Variants in TMEM178B observed in about 807,000 individuals in gnomAD.
TMEM178B encodes transmembrane protein 178B.
In TMEM178B, 5 loss-of-function variants were observed where a neutral mutation model predicts 31.0. The observed-to-expected ratio is 0.16, with a 90% CI of 0.08 to 0.34. TMEM178B has a LOEUF of 0.34. TMEM178B is among the 10% of genes least tolerant of loss of function. The pLI is 1.00. For synonymous variants in TMEM178B, 164 were observed against 164.0 expected, an observed-to-expected ratio of 1.00 and a Z score of 0.00; for missense variants, 275 against 400.3, an observed-to-expected ratio of 0.69 and a Z score of 2.67.
At chr7:141,462,610 C>A (rs1802078393) in intron 3 of TMEM178B, among the ~76,000 whole-genome samples, 2 of 151,682 alleles carry the variant, frequency 1.3e-5, no homozygotes. Flanking sequence ...TGTCAGGTAG[C>A]CAAAAAACTA....
chr7:141,236,729 A>G (rs1797533070), intron 2 of TMEM178B, among the ~76,000 whole-genome samples: 1 of 152,196 alleles, frequency 6.6e-6, no homozygotes. Flanking sequence ...AAGCAGGAAA[A>G]AGAGGTGATT....
intron 2 of TMEM178B, among the ~76,000 whole-genome samples, chr7:141,387,001 G>A (rs1389656079): frequency 6.6e-6 from 1 of 152,182 alleles, no homozygotes; most frequent in Non-Finnish European, 1.5e-5. Flanking sequence ...GTCAGAATCT[G>A]TGGGCTCTTC....
intron 2 of TMEM178B, among the ~76,000 whole-genome samples, chr7:141,310,616 C>T (rs563992228): frequency 1.3e-5 from 2 of 152,188 alleles, no homozygotes; most frequent in African/African-American, 2.4e-5. Flanking sequence ...GTGATGTTCC[C>T]TTCCTGGAAC....
At chr7:141,510,805 A>C in the TMEM178B span, among the ~76,000 whole-genome samples, 1 of 151,814 alleles carries the variant, frequency 6.6e-6, no homozygotes, top group Admixed American at 6.6e-5. Flanking sequence ...CAAGAGGCAG[A>C]CAGAGGTAGA....
At chr7:141,142,846 A>G (rs987472808) in intron 1 of TMEM178B, among the ~76,000 whole-genome samples, 1 of 152,362 alleles carries the variant, frequency 6.6e-6, no homozygotes, top group East Asian at 1.9e-4. Context: ...CCAATAATGT[A>G]TAAGCATTGT....
chr7:141,366,778 G>A (rs950577372), intron 2 of TMEM178B, among the ~76,000 whole-genome samples: 14 of 151,738 alleles, frequency 9.2e-5, no homozygotes, highest in African/African-American at 3.1e-4. Context: ...TCCCACTCAC[G>A]TCCTTTCCTT....
At chr7:141,215,786 CTTTCTTTCT>C in intron 2 of TMEM178B, among the ~76,000 whole-genome samples, 1 of 37,320 alleles carries the variant, frequency 2.7e-5, no homozygotes, top group South Asian at 1.1e-3. Flanking sequence ...TCCTTTCTTT[CTTTCTTTCT>C]TTCTTTCTTT....
intron 1 of TMEM178B, among the ~76,000 whole-genome samples, chr7:141,141,731 A>T (rs1187401273): frequency 6.6e-6 from 1 of 152,182 alleles, no homozygotes; most frequent in African/African-American, 2.4e-5. Flanking sequence ...ACACCTGATG[A>T]ATTAATGCCC....
intron 2 of TMEM178B, among the ~76,000 whole-genome samples, chr7:141,324,974 A>G (rs1390651354): frequency 6.6e-6 from 1 of 152,090 alleles, no homozygotes; most frequent in East Asian, 1.9e-4. Flanking sequence ...GGATGTCACA[A>G]TTGGGATTAG....
At chr7:141,321,817 G>A (rs1799102904) in intron 2 of TMEM178B, among the ~76,000 whole-genome samples, 2 of 133,328 alleles carry the variant, frequency 1.5e-5, no homozygotes, top group Admixed American at 7.3e-5. Flanking sequence ...TGATCTACTT[G>A]TCCAACATTA....
At chr7:141,506,974 A>T in the TMEM178B span, among the ~76,000 whole-genome samples, 2 of 152,224 alleles carry the variant, frequency 1.3e-5, no homozygotes, top group Non-Finnish European at 2.9e-5. Context: ...TTAAAGCTCC[A>T]AAATGATCTC....
At chr7:141,510,684 T>TA in the TMEM178B span, among the ~76,000 whole-genome samples, 1 of 3,490 alleles carries the variant, frequency 2.9e-4, no homozygotes, top group Non-Finnish European at 1.6e-3. Flanking sequence ...AAACTCCGTC[T>TA]CAAAAAAAAA....
At chr7:141,189,002 C>T (rs1329742784) in intron 1 of TMEM178B, among the ~76,000 whole-genome samples, 1 of 152,188 alleles carries the variant, frequency 6.6e-6, no homozygotes, top group African/African-American at 2.4e-5. Context: ...AGGCCCAAAC[C>T]GAGGAGGTCA....
intron 2 of TMEM178B, among the ~76,000 whole-genome samples, chr7:141,371,718 A>AT (rs909146803): frequency 2.0e-5 from 3 of 152,338 alleles, no homozygotes; most frequent in African/African-American, 7.2e-5. Flanking sequence ...ACCTCTCTGC[A>AT]TTAGAGGTAG....
intron 1 of TMEM178B, among the ~76,000 whole-genome samples, chr7:141,150,035 C>T (rs1795940422): frequency 6.6e-6 from 1 of 152,062 alleles, no homozygotes; most frequent in South Asian, 2.1e-4. Flanking sequence ...GGACAAACTA[C>T]ATTTGTGGCC....
At chr7:141,348,735 T>C (rs924212889) in intron 2 of TMEM178B, among the ~76,000 whole-genome samples, 2 of 152,172 alleles carry the variant, frequency 1.3e-5, no homozygotes, top group Non-Finnish European at 2.9e-5. Flanking sequence ...GAGGCAATTG[T>C]AATTAATGTG....
intron 1 of TMEM178B, among the ~76,000 whole-genome samples, chr7:141,191,724 T>C (rs979096090): frequency 2.6e-5 from 4 of 152,242 alleles, no homozygotes; most frequent in African/African-American, 9.6e-5. Flanking sequence ...TAGGTGCTTT[T>C]TTAATCTTTG....
At chr7:141,286,968 C>G (rs967861019) in intron 2 of TMEM178B, among the ~76,000 whole-genome samples, 1 of 152,136 alleles carries the variant, frequency 6.6e-6, no homozygotes, top group African/African-American at 2.4e-5. Context: ...GTCCTTGACT[C>G]GCTTGTTTAC....
At chr7:141,266,648 T>C (rs113785904) in intron 2 of TMEM178B, among the ~76,000 whole-genome samples, 48 of 152,300 alleles carry the variant, frequency 3.2e-4, no homozygotes, top group African/African-American at 1.0e-3. Context: ...CAGCCACACA[T>C]GTTGCAGCTT....
Sources: allele counts gnomAD v4.1 joint callset (sites outside exome capture counted in the v4.1 genomes callset), GRCh38; gene constraint gnomAD v4.1.1; transcripts MANE v1.5; gene names NCBI Gene and HGNC (gene_info 2026-07-23, HGNC 2026-07-21).